Variants in CHCHD6 observed in about 807,000 individuals in gnomAD.
The protein encoded by CHCHD6 is coiled-coil-helix-coiled-coil-helix domain containing 6, also known as MICOS complex subunit MIC25.
CHCHD6 carries 28 observed loss-of-function variants against 32.3 expected under a neutral mutation model. That is an observed-to-expected ratio of 0.87 (90% CI 0.64 to 1.19). CHCHD6 has a LOEUF of 1.19. Among genes scored for constraint, CHCHD6 ranks in the 50% most tolerant of loss-of-function variants. CHCHD6 has a pLI of 0.00. For synonymous variants in CHCHD6, 122 were observed against 117.5 expected, an observed-to-expected ratio of 1.04 and a Z score of -0.25; for missense variants, 333 against 307.0, an observed-to-expected ratio of 1.08 and a Z score of -0.63.
intron 4 of CHCHD6, among the ~76,000 whole-genome samples, chr3:126,785,097 C>T (rs1207048441): frequency 6.6e-6 from 1 of 152,124 alleles, no homozygotes; most frequent in African/African-American, 2.4e-5. Context: ...ACAACTTGCA[C>T]GGCCATAGTA....
At chr3:126,857,501 G>C (rs1351969102) in intron 5 of CHCHD6, among the ~76,000 whole-genome samples, 1 of 152,142 alleles carries the variant, frequency 6.6e-6, no homozygotes. Flanking sequence ...ACTTTCTTAA[G>C]AGAAGACCAT....
chr3:126,833,781 C>T (rs1290269101), intron 4 of CHCHD6, among the ~76,000 whole-genome samples: 2 of 152,106 alleles, frequency 1.3e-5, no homozygotes, highest in Non-Finnish European at 2.9e-5. Flanking sequence ...CGTGGCCGGG[C>T]GCGGTGGCTC....
intron 5 of CHCHD6, among the ~76,000 whole-genome samples, chr3:126,860,841 A>T (rs1941833987): frequency 6.6e-6 from 1 of 152,204 alleles, no homozygotes; most frequent in Non-Finnish European, 1.5e-5. Context: ...AAATGTGATC[A>T]ATGAGACAGG....
chr3:126,768,882 G>A (rs991783827), intron 4 of CHCHD6, among the ~76,000 whole-genome samples: 1 of 151,978 alleles, frequency 6.6e-6, no homozygotes, highest in Non-Finnish European at 1.5e-5. Context: ...CTTCTTAATG[G>A]GGTTATTTTT....
chr3:126,951,173 C>T (rs926874695), intron 6 of CHCHD6, among the ~76,000 whole-genome samples: 6 of 152,224 alleles, frequency 3.9e-5, no homozygotes, highest in Non-Finnish European at 7.3e-5. Flanking sequence ...TCCCGCTTTG[C>T]ATCTCTGTCT....
At chr3:126,800,961 A>G (rs987423379) in intron 4 of CHCHD6, among the ~76,000 whole-genome samples, 1 of 152,216 alleles carries the variant, frequency 6.6e-6, no homozygotes, top group African/African-American at 2.4e-5. Flanking sequence ...AGACCTTGCA[A>G]TCAGTTTGTT....
intron 4 of CHCHD6, among the ~76,000 whole-genome samples, chr3:126,785,280 G>A (rs553902077): frequency 6.6e-6 from 1 of 152,170 alleles, no homozygotes. Context: ...ACAATCTCCA[G>A]ATGTTTCCAT....
chr3:126,773,252 T>C (rs1272666503), intron 4 of CHCHD6, among the ~76,000 whole-genome samples: 1 of 152,218 alleles, frequency 6.6e-6, no homozygotes, highest in Non-Finnish European at 1.5e-5. Flanking sequence ...TGCAGTATTT[T>C]CAAGTAATAC....
At chr3:126,940,907 AT>A in intron 6 of CHCHD6, among the ~76,000 whole-genome samples, 1 of 151,562 alleles carries the variant, frequency 6.6e-6, no homozygotes, top group East Asian at 1.9e-4. Context: ...CTTATTATTC[AT>A]TTTTAACAGG....
intron 1 of CHCHD6, among the ~76,000 whole-genome samples, chr3:126,707,531 C>T (rs1161867127): frequency 6.6e-6 from 1 of 152,202 alleles, no homozygotes; most frequent in Non-Finnish European, 1.5e-5. Context: ...TGCCTTCCCT[C>T]TCCTCCTCTC....
intron 6 of CHCHD6, among the ~76,000 whole-genome samples, chr3:126,917,791 G>C (rs1368977452): frequency 1.3e-5 from 2 of 152,162 alleles, no homozygotes; most frequent in African/African-American, 4.8e-5. Flanking sequence ...AGGGACTCCA[G>C]AGAGCTCCCT....
chr3:126,907,963 A>G (rs2078029466), intron 5 of CHCHD6, among the ~76,000 whole-genome samples: 1 of 152,152 alleles, frequency 6.6e-6, no homozygotes, highest in Non-Finnish European at 1.5e-5. Flanking sequence ...TTTTGCTTGA[A>G]GTTGTGACAC....
At chr3:126,788,318 A>G (rs1485292650) in intron 4 of CHCHD6, among the ~76,000 whole-genome samples, 3 of 152,210 alleles carry the variant, frequency 2.0e-5, no homozygotes, top group Admixed American at 6.5e-5. Flanking sequence ...AGGCTTTGGT[A>G]TCAGGATGAT....
chr3:126,880,832 A>T (rs1428651500), intron 5 of CHCHD6, among the ~76,000 whole-genome samples: 1 of 152,234 alleles, frequency 6.6e-6, no homozygotes, highest in Non-Finnish European at 1.5e-5. Flanking sequence ...AAAGGAAGTC[A>T]TGAAACAAGA....
intron 4 of CHCHD6, among the ~76,000 whole-genome samples, chr3:126,789,195 T>C (rs2107684841): frequency 6.6e-6 from 1 of 152,342 alleles, no homozygotes; most frequent in East Asian, 1.9e-4. Flanking sequence ...GACAGTTTGT[T>C]ATAATTTCTG....
intron 4 of CHCHD6, among the ~76,000 whole-genome samples, chr3:126,782,546 A>C (rs528154304): frequency 7.9e-5 from 12 of 152,232 alleles, no homozygotes; most frequent in Non-Finnish European, 1.8e-4. Context: ...TGAATTTACT[A>C]CAAGGATACA....
chr3:126,901,957 A>G (rs2077934628), intron 5 of CHCHD6, among the ~76,000 whole-genome samples: 1 of 152,226 alleles, frequency 6.6e-6, no homozygotes, highest in Non-Finnish European at 1.5e-5. Flanking sequence ...GATCTCCTAG[A>G]TAGCTACTCC....
At chr3:126,927,352 G>A (rs1040010522) in intron 6 of CHCHD6, among the ~76,000 whole-genome samples, 5 of 152,196 alleles carry the variant, frequency 3.3e-5, no homozygotes, top group African/African-American at 1.2e-4. Flanking sequence ...CAAACGAGGG[G>A]GCACAGGAAG....
chr3:126,869,148 T>C (rs2077430574), intron 5 of CHCHD6, among the ~76,000 whole-genome samples: 1 of 152,262 alleles, frequency 6.6e-6, no homozygotes, highest in South Asian at 2.1e-4. Context: ...AGCAACCTTA[T>C]TTGTGTAAAT....
Sources: gnomAD v4.1 joint callset for allele counts (sites outside exome capture counted in the v4.1 genomes callset) on GRCh38, gnomAD v4.1.1 for gene constraint, MANE v1.5 for transcripts, NCBI Gene and HGNC (gene_info 2026-07-23, HGNC 2026-07-21) for gene names.